The following FBN1 variants were observed in gnomAD, a reference collection of about 807,000 sequenced individuals.
The protein encoded by FBN1 is fibrillin 1, also known as fibrillin-1.
In FBN1, 29 loss-of-function variants were observed where a neutral mutation model predicts 365.1. The observed-to-expected ratio is 0.08, with a 90% confidence interval of 0.06 to 0.11. The LOEUF is 0.11. FBN1 is among the 10% of genes least tolerant of loss of function. The pLI, the probability that FBN1 is intolerant of heterozygous loss-of-function variation, is 1.00. For synonymous variants in FBN1, 1,210 were observed against 1,270.5 expected (o/e 0.95, Z 1.01); for missense variants, 2,476 against 3,703.2 (o/e 0.67, Z 8.60).
chr15:48,481,799 A>G lies in FBN1; in HGVS notation c.3839-19T>C. The G allele has an allele frequency of 1.3e-6, 2 of 1,595,512 alleles. No homozygotes were observed. Among genetic ancestry groups the G allele is most frequent in the Non-Finnish European group, 1.7e-6 (2 of 1,163,184 alleles). On this transcript the variant is annotated intron_variant, in intron 31 of 65. Coordinates refer to ENST00000316623, the MANE Select transcript of FBN1 (RefSeq NM_000138.5). ...TTGACATCTGTAAAACATATATACT[A>G]TTAATATATGTAGCTATTTGATATC...
At chr15:48,499,999 T>C (rs1027865953) in intron 17 of FBN1, among the ~76,000 whole-genome samples, 1 of 152,194 alleles carries the variant, frequency 6.6e-6, no homozygotes, top group South Asian at 2.1e-4. Flanking sequence ...CCTGATGACA[T>C]TGGAGGTAAA....
intron 17 of FBN1, among the ~76,000 whole-genome samples, chr15:48,501,206 G>C (rs893128898): frequency 6.6e-6 from 1 of 152,204 alleles, no homozygotes; most frequent in Non-Finnish European, 1.5e-5. Context: ...CAATTCAATA[G>C]TAATGCTGGG....
Position 48,445,173 on chromosome 15 carries a change from CAT to C in FBN1, c.5917+201_5917+202del, listed in dbSNP as rs529269961. On this transcript the variant is annotated intron_variant, in intron 48 of 65. Transcript: ENST00000316623. ...ATATATATACATATATATATACACA[CAT>C]ATATATATGTATATATATATACATA... Among the ~76,000 whole-genome samples, 839 of 138,498 alleles carry C rather than the reference CAT, an allele frequency of 6.1e-3. 7 individuals are homozygous for C. The highest frequency in any genetic ancestry group is 0.02 in the African/African-American group (780 of 38,204). The allele number at this position is 138,498 out of a possible 152,430, so 90.9% of individuals were successfully genotyped here. A position where few individuals can be genotyped will look rare whatever the true frequency, so the allele number is the denominator to read the frequency against.
At chr15:48,427,861 A>G in intron 57 of FBN1, 88 bp from the exon 58 acceptor site, 1 of 1,175,638 alleles carries the variant, frequency 8.5e-7, no homozygotes. Flanking sequence ...ATAAAAACCA[A>G]AAAAGGATGT....
In FBN1 at chr15:48,409,347, T is replaced by G. The variant is rs1002106856; in HGVS notation, c.*1643A>C. 6.6e-6 allele frequency: 1 copy of G among 152,190 alleles called. No individual in the cohort carries two copies. The highest frequency in any genetic ancestry group is 1.5e-5 in the Non-Finnish European group (1 of 68,042). The allele number at this position is 152,190 out of a possible 1,614,324, so 9.4% of individuals were successfully genotyped here. On this transcript the variant is annotated 3_prime_UTR_variant, in exon 66 of 66. Coordinates refer to ENST00000316623, the MANE Select transcript of FBN1 (RefSeq NM_000138.5). ...ATAGTATGAGCCAAATCTACTCCAT[T>G]TTTTTCAGCTGAGCTCTTCAAAGAT...
intron 17 of FBN1, among the ~76,000 whole-genome samples, chr15:48,501,178 T>C (rs1026754615): frequency 6.6e-6 from 1 of 152,244 alleles, no homozygotes; most frequent in African/African-American, 2.4e-5. Context: ...AAAGTTCATG[T>C]GCTGGAAACT....
chr15:48,580,866 T>A (rs767415500), intron 6 of FBN1, among the ~76,000 whole-genome samples: 1 of 152,190 alleles, frequency 6.6e-6, no homozygotes, highest in Non-Finnish European at 1.5e-5. Context: ...TATAATTTCA[T>A]AATCAAGTAT....
rs368672527 is a variant in FBN1, at chr15:48,519,106, G to A, written c.1147+1553C>T. Among the ~76,000 whole-genome samples, 6 of 152,266 alleles carry A rather than the reference G, an allele frequency of 3.9e-5. No homozygotes were observed. The South Asian group carries it at 1.2e-3, about 32-fold the overall frequency. On this transcript the variant is annotated intron_variant, in intron 10 of 65. Transcript: ENST00000316623. ...GCTGCTGATTCCTAAGTTAACATAT[G>A]CATTTTAAAAGCCATTCTCCTGGTA... is the stretch of plus-strand genomic sequence containing the variant.
chr15:48,578,750 G>A (rs567942287), intron 6 of FBN1, among the ~76,000 whole-genome samples: 40 of 147,124 alleles, frequency 2.7e-4, no homozygotes, highest in African/African-American at 8.5e-4. Flanking sequence ...GTAAACTATC[G>A]CAAGAACAAA....
chr15:48,556,215 C>A (rs1237898929), intron 6 of FBN1, among the ~76,000 whole-genome samples: 1 of 152,130 alleles, frequency 6.6e-6, no homozygotes, highest in African/African-American at 2.4e-5. Flanking sequence ...ACTGTCTATA[C>A]CACTGGAATC....
intron 25 of FBN1, 142 bp downstream of exon 25, chr15:48,489,709 C>T (rs1273257868): frequency 1.3e-6 from 1 of 748,980 alleles, no homozygotes; most frequent in Non-Finnish European, 2.3e-6. Context: ...AAAGTTCATA[C>T]TTTTCTAAAC....
intron 42 of FBN1, among the ~76,000 whole-genome samples, chr15:48,461,263 T>C (rs1406555854): frequency 6.6e-6 from 1 of 152,188 alleles, no homozygotes; most frequent in East Asian, 1.9e-4. Flanking sequence ...CTGAATTTGG[T>C]GAATATCCAA....
At chr15:48,430,557 G>C (rs1459374239) in intron 56 of FBN1, 114 bp downstream of exon 56, 2 of 1,232,100 alleles carry the variant, frequency 1.6e-6, no homozygotes, top group African/African-American at 3.0e-5. Context: ...ATGCGGTTAA[G>C]AGAACAAAAT....
At chr15:48,438,564 C>A (rs1437721470) in intron 50 of FBN1, among the ~76,000 whole-genome samples, 2 of 150,870 alleles carry the variant, frequency 1.3e-5, no homozygotes, top group Non-Finnish European at 3.0e-5. Context: ...TACACACACA[C>A]ACATATGCAG....
chr15:48,600,634 G>T (rs527677189), intron 4 of FBN1, among the ~76,000 whole-genome samples: 135 of 152,302 alleles, frequency 8.9e-4, no homozygotes, highest in African/African-American at 3.2e-3. Context: ...AACCTGGGGG[G>T]GCAGAGGTTG....
In FBN1 at chr15:48,456,746, C is replaced by T; in HGVS notation, c.5313G>A (p.Arg1771=). The T allele has an allele frequency of 6.2e-7, 1 of 1,613,656 alleles. No individual in the cohort carries two copies. Among genetic ancestry groups the T allele is most frequent in the African/African-American group, 1.3e-5 (1 of 74,954 alleles). ...TGLPVDIDEC[R]EIPGVCENGV... ...CATTTTCACAGACCCCTGGGATCTC[C>T]CGGCACTCATCAATATCTAGAGACA... The change falls in exon 44 of 66, where the codon CGG becomes CGA. Residue 1771 remains arginine, a synonymous_variant. Transcript: ENST00000316623.
intron 6 of FBN1, 115 bp from the exon 7 acceptor site, chr15:48,537,923 C>A (rs1597593897): frequency 9.6e-7 from 1 of 1,038,252 alleles, no homozygotes; most frequent in African/African-American, 1.6e-5. Context: ...ATTTCAGGGA[C>A]AGAATCATGC....
At chr15:48,486,241 C>T (rs1261383805) in intron 29 of FBN1, among the ~76,000 whole-genome samples, 4 of 152,292 alleles carry the variant, frequency 2.6e-5, no homozygotes, top group East Asian at 3.9e-4. Flanking sequence ...GTTTGATTGG[C>T]TGAGGTTCCA....
intron 10 of FBN1, among the ~76,000 whole-genome samples, chr15:48,517,388 A>T (rs181398573): frequency 6.6e-6 from 1 of 152,314 alleles, no homozygotes; most frequent in Admixed American, 6.5e-5. Flanking sequence ...AAAGAAAGCA[A>T]TATCAATGGA....
Sources: gnomAD v4.1 joint callset for allele counts (sites outside exome capture counted in the v4.1 genomes callset) on GRCh38, gnomAD v4.1.1 for gene constraint, MANE v1.5 for transcripts, NCBI Gene and HGNC (gene_info 2026-07-23, HGNC 2026-07-21) for gene names.